SORCS3: variants seen among roughly 807,000 people sequenced by gnomAD.
The protein encoded by SORCS3 is VPS10 domain-containing receptor SorCS3.
In SORCS3, 57 loss-of-function variants were observed where a neutral mutation model predicts 146.3. The observed-to-expected ratio is 0.39, with a 90% CI of 0.31 to 0.49. The LOEUF (loss-of-function observed/expected upper bound fraction) is 0.49, where lower values mean the gene tolerates loss of function less well. SORCS3 is among the 20% of genes least tolerant of loss of function. The pLI, the probability that SORCS3 is intolerant of heterozygous loss-of-function variation, is 0.92. For synonymous variants in SORCS3, 653 were observed against 618.5 expected, an observed-to-expected ratio of 1.06 and a Z score of -0.83; for missense variants, 1,341 against 1,575.5, an observed-to-expected ratio of 0.85 and a Z score of 2.52.
At chr10:104,940,430 C>T (rs1209379954) in intron 3 of SORCS3, among the ~76,000 whole-genome samples, 2 of 119,562 alleles carry the variant, frequency 1.7e-5, no homozygotes, top group African/African-American at 6.0e-5. Context: ...GTGTGATGTT[C>T]CCCTTCCTGT....
chr10:105,246,904 T>C (rs548576170), intron 21 of SORCS3, among the ~76,000 whole-genome samples: 1 of 152,378 alleles, frequency 6.6e-6, no homozygotes, highest in Non-Finnish European at 1.5e-5. Context: ...TGGCTCTTCC[T>C]GGTACCACCT....
At chr10:104,940,062 G>A (rs2019296338) in intron 3 of SORCS3, among the ~76,000 whole-genome samples, 1 of 151,310 alleles carries the variant, frequency 6.6e-6, no homozygotes, top group South Asian at 2.1e-4. Context: ...TACTCCATAG[G>A]CAGAGCAGCA....
At chr10:105,040,193 T>C (rs535485425) in intron 4 of SORCS3, among the ~76,000 whole-genome samples, 1 of 152,240 alleles carries the variant, frequency 6.6e-6, no homozygotes, top group African/African-American at 2.4e-5. Context: ...AATATATGGA[T>C]ATATTCTTCC....
intron 21 of SORCS3, 85 bp from the exon 22 acceptor site, chr10:105,247,134 C>A: frequency 1.7e-6 from 1 of 602,046 alleles, no homozygotes; most frequent in Non-Finnish European, 2.9e-6. Context: ...TTACCAAAAG[C>A]ACAGTGATGG....
At chr10:105,218,252 A>G (rs940192631) in intron 19 of SORCS3, among the ~76,000 whole-genome samples, 1 of 152,174 alleles carries the variant, frequency 6.6e-6, no homozygotes, top group Non-Finnish European at 1.5e-5. Flanking sequence ...GAGATAAATG[A>G]TTTCATTTCT....
At chr10:104,979,386 A>G (rs1417844475) in intron 4 of SORCS3, among the ~76,000 whole-genome samples, 2 of 152,204 alleles carry the variant, frequency 1.3e-5, no homozygotes, top group Non-Finnish European at 2.9e-5. Flanking sequence ...ATGCCAAACT[A>G]TTATGTAATA....
intron 5 of SORCS3, among the ~76,000 whole-genome samples, chr10:105,086,907 T>G (rs1279285927): frequency 1.3e-5 from 2 of 152,212 alleles, no homozygotes; most frequent in African/African-American, 4.8e-5. Flanking sequence ...AGAAGCTCTT[T>G]AGGTTAATTA....
intron 2 of SORCS3, among the ~76,000 whole-genome samples, chr10:104,892,171 T>C (rs2018755463): frequency 6.6e-6 from 1 of 152,222 alleles, no homozygotes; most frequent in African/African-American, 2.4e-5. Context: ...TGTTCATCTT[T>C]CTTGTTAGGA....
At chr10:104,873,030 A>T (rs957050602) in intron 2 of SORCS3, among the ~76,000 whole-genome samples, 4 of 152,232 alleles carry the variant, frequency 2.6e-5, no homozygotes, top group African/African-American at 9.6e-5. Flanking sequence ...AAGCTCCCAC[A>T]CAGTAAATGT....
At chr10:105,045,655 A>G (rs1239844022) in intron 5 of SORCS3, among the ~76,000 whole-genome samples, 1 of 152,112 alleles carries the variant, frequency 6.6e-6, no homozygotes, top group African/African-American at 2.4e-5. Flanking sequence ...AAAAGACAAA[A>G]TATGCATTTC....
chr10:104,957,787 T>C (rs1260457786), intron 3 of SORCS3, among the ~76,000 whole-genome samples: 2 of 152,164 alleles, frequency 1.3e-5, no homozygotes, highest in Non-Finnish European at 2.9e-5. Context: ...GGGGACCACC[T>C]GGCATGGGAT....
intron 1 of SORCS3, among the ~76,000 whole-genome samples, chr10:104,649,761 T>A (rs763025793): frequency 6.6e-6 from 1 of 152,370 alleles, no homozygotes; most frequent in Non-Finnish European, 1.5e-5. Context: ...AGAATAATAT[T>A]CATTAGATGA....
intron 22 of SORCS3, among the ~76,000 whole-genome samples, chr10:105,248,559 C>T (rs1564795373): frequency 1.3e-5 from 2 of 151,908 alleles, no homozygotes; most frequent in African/African-American, 4.8e-5. Context: ...ACTAAAAGTA[C>T]AAAAACTAGC....
chr10:105,101,096 T>C (rs1305092571), intron 6 of SORCS3, among the ~76,000 whole-genome samples: 1 of 152,252 alleles, frequency 6.6e-6, no homozygotes, highest in Non-Finnish European at 1.5e-5. Context: ...TCTGGCGTTA[T>C]TAAAAAACAA....
chr10:105,105,130 A>G (rs1258964476), intron 6 of SORCS3, among the ~76,000 whole-genome samples: 3 of 152,182 alleles, frequency 2.0e-5, no homozygotes, highest in Non-Finnish European at 2.9e-5. Flanking sequence ...TCTGATACAT[A>G]TTTCAAATTT....
chr10:104,825,226 G>A (rs1320136955), intron 1 of SORCS3, among the ~76,000 whole-genome samples: 2 of 152,154 alleles, frequency 1.3e-5, no homozygotes, highest in Admixed American at 6.5e-5. Flanking sequence ...CCTAATGCAT[G>A]CTGACGGCTT....
intron 4 of SORCS3, among the ~76,000 whole-genome samples, chr10:105,001,332 T>G (rs1190007634): frequency 6.6e-6 from 1 of 152,128 alleles, no homozygotes; most frequent in African/African-American, 2.4e-5. Context: ...GAGAATCGTG[T>G]AAAGTTTGGA....
At chr10:105,262,643 T>A in intron 26 of SORCS3, 152 bp downstream of exon 26, 1 of 799,668 alleles carries the variant, frequency 1.3e-6, no homozygotes. Context: ...CTGCCACCTC[T>A]GGCCACAGGA....
At chr10:104,725,256 G>T (rs2133448737) in intron 1 of SORCS3, among the ~76,000 whole-genome samples, 1 of 152,358 alleles carries the variant, frequency 6.6e-6, no homozygotes, top group South Asian at 2.1e-4. Context: ...GACCCTGTTT[G>T]CCTGGGTATC....
Sources: gnomAD v4.1 joint callset for allele counts (sites outside exome capture counted in the v4.1 genomes callset) on GRCh38, gnomAD v4.1.1 for gene constraint, MANE v1.5 for transcripts, NCBI Gene and HGNC (gene_info 2026-07-23, HGNC 2026-07-21) for gene names.